The following OSBPL6 variants were observed in gnomAD, a reference collection of about 807,000 sequenced individuals.
OSBPL6 encodes the protein oxysterol-binding protein-related protein 6.
OSBPL6 carries 49 observed loss-of-function variants against 125.8 expected under a neutral mutation model. The observed-to-expected ratio is 0.39, with a 90% CI of 0.31 to 0.49. The LOEUF is 0.49. OSBPL6 is among the 20% of genes least tolerant of loss of function. The probability of loss-of-function intolerance (pLI) is 0.88; values close to 1 mark genes in which losing one functional copy is unlikely to be tolerated. For missense variants in OSBPL6, 986 were observed against 1,135.4 expected, an observed-to-expected ratio of 0.87 and a Z score of 1.89; for synonymous variants, 394 against 391.8, an observed-to-expected ratio of 1.01 and a Z score of -0.07.
rs36020212 is a variant in OSBPL6 at position 178,268,085 on chromosome 2, CT to C, written c.-350-16828del. Among the ~76,000 whole-genome samples, 1,100 of 142,214 alleles carry C rather than the reference CT, an allele frequency of 7.7e-3. 6 individuals carry two copies. Among genetic ancestry groups the C allele is most frequent in the East Asian group, 0.029 (141 of 4,876 alleles). The allele number at this position is 142,214 out of a possible 152,430, so 93.3% of individuals were successfully genotyped here. A position where few individuals can be genotyped will look rare whatever the true frequency, so the allele number is the denominator to read the frequency against. On this transcript the variant is annotated intron_variant, in intron 1 of 24. Transcript: ENST00000190611. ...GGTGCTTTTAGATTATTTAAATTTT[CT>C]TTTTTTTTTTTTTGAGATGGAGTTT... is the stretch of plus-strand genomic sequence containing the variant.
intron 1 of OSBPL6, among the ~76,000 whole-genome samples, chr2:178,234,691 T>C (rs573147542): frequency 2.6e-5 from 4 of 152,348 alleles, no homozygotes; most frequent in African/African-American, 9.6e-5. Context: ...GGTTTTTAAT[T>C]TTGGTAAGGT....
At chr2:178,338,061 C>G (rs1295970190) in intron 9 of OSBPL6, among the ~76,000 whole-genome samples, 1 of 151,056 alleles carries the variant, frequency 6.6e-6, no homozygotes, top group African/African-American at 2.4e-5. Context: ...TCTGCCTCAG[C>G]CTTCTGAGTA....
intron 3 of OSBPL6, among the ~76,000 whole-genome samples, chr2:178,307,068 T>C (rs1260019673): frequency 6.6e-6 from 1 of 152,200 alleles, no homozygotes; most frequent in Non-Finnish European, 1.5e-5. Context: ...GTAGGTGTTA[T>C]TACCTTTTTA....
At chr2:178,257,447 AT>A (rs879565498) in intron 1 of OSBPL6, among the ~76,000 whole-genome samples, 87 of 152,168 alleles carry the variant, frequency 5.7e-4, no homozygotes, top group African/African-American at 6.0e-4. Context: ...TTCTATTGCT[AT>A]TTTTTTAGGC....
chr2:178,366,203 T>C (rs1692810814), intron 13 of OSBPL6, among the ~76,000 whole-genome samples: 1 of 152,262 alleles, frequency 6.6e-6, no homozygotes, highest in Admixed American at 6.5e-5. Flanking sequence ...ATGTCTTGTT[T>C]AATGCAGTAC....
chr2:178,320,150 C>A, intron 3 of OSBPL6: 2 of 1,133,414 alleles, frequency 1.8e-6, no homozygotes, highest in Non-Finnish European at 2.4e-6. Context: ...GTGAGTTGCA[C>A]CAAACCATTC....
At chr2:178,341,822 G>T (rs1690228222) in intron 11 of OSBPL6, among the ~76,000 whole-genome samples, 1 of 152,062 alleles carries the variant, frequency 6.6e-6, no homozygotes, top group Non-Finnish European at 1.5e-5. Context: ...TTTTCTGCTT[G>T]CCCAAACCAA....
intron 20 of OSBPL6, among the ~76,000 whole-genome samples, chr2:178,387,998 C>T (rs528680998): frequency 2.7e-5 from 4 of 149,700 alleles, no homozygotes; most frequent in Admixed American, 2.6e-4. Flanking sequence ...AGCAAGACTC[C>T]ATCTCAAAAA....
chr2:178,277,316 T>C (rs2092489981), intron 1 of OSBPL6, among the ~76,000 whole-genome samples: 1 of 152,228 alleles, frequency 6.6e-6, no homozygotes, highest in African/African-American at 2.4e-5. Flanking sequence ...TTAAATAGCC[T>C]CTACTCAGAA....
chr2:178,211,129 T>C (rs1377031355), intron 1 of OSBPL6, among the ~76,000 whole-genome samples: 1 of 152,040 alleles, frequency 6.6e-6, no homozygotes, highest in Non-Finnish European at 1.5e-5. Flanking sequence ...AACTTAGCCA[T>C]GTGTGGTGGT....
intron 15 of OSBPL6, among the ~76,000 whole-genome samples, chr2:178,378,009 A>G (rs975619751): frequency 3.3e-5 from 5 of 151,856 alleles, no homozygotes; most frequent in African/African-American, 1.2e-4. Context: ...TTATATTTTT[A>G]GTAGAAATGA....
chr2:178,382,357 G>A, intron 15 of OSBPL6, 63 bp from the exon 16 acceptor site: 3 of 1,519,406 alleles, frequency 2.0e-6, no homozygotes, highest in Non-Finnish European at 2.6e-6. Context: ...TTAATCATTT[G>A]ATTATCTGAG....
chr2:178,333,744 C>A (rs1369772295), intron 8 of OSBPL6, among the ~76,000 whole-genome samples: 1 of 152,104 alleles, frequency 6.6e-6, no homozygotes, highest in Non-Finnish European at 1.5e-5. Flanking sequence ...GTGTCTTGAC[C>A]TATAATATAT....
chr2:178,245,184 C>G (rs1252248899), intron 1 of OSBPL6, among the ~76,000 whole-genome samples: 1 of 152,140 alleles, frequency 6.6e-6, no homozygotes, highest in African/African-American at 2.4e-5. Context: ...CCTGGATGTG[C>G]TGGTTGATTT....
chr2:178,336,221 G>C (rs1262603340), intron 8 of OSBPL6, 80 bp from the exon 9 acceptor site: 4 of 1,485,794 alleles, frequency 2.7e-6, no homozygotes, highest in Non-Finnish European at 3.6e-6. Context: ...TTGTTAATAC[G>C]GTTTTGAGGA....
In OSBPL6 at chr2:178,399,584, CA is replaced by C. The variant is rs1293703624; in HGVS notation, c.*4027del. The C allele has an allele frequency of 3.3e-5, 5 of 152,136 alleles. No individual in the cohort carries two copies. Among genetic ancestry groups the C allele is most frequent in the Non-Finnish European group, 7.4e-5 (5 of 68,014 alleles). The allele number at this position is 152,136 out of a possible 1,614,324, so 9.4% of individuals were successfully genotyped here. A position where few individuals can be genotyped will look rare whatever the true frequency, so the allele number is the denominator to read the frequency against. On this transcript the variant is annotated 3_prime_UTR_variant, in exon 25 of 25. Coordinates refer to ENST00000190611, the MANE Select transcript of OSBPL6 (RefSeq NM_032523.4). ...AATTGTTGTGATGGACCAACATGTC[CA>C]ACATCTTAAGCAAATGAAGCTTCAT...
At position 178,345,876 on chromosome 2, in the gene OSBPL6, A is replaced by G. The variant is rs537448617; in HGVS notation, c.988-3348A>G. Among the ~76,000 whole-genome samples the G allele has an allele frequency of 2.0e-5, 3 of 152,318 alleles. No homozygotes were observed. The South Asian group carries it at 6.2e-4, about 32-fold the overall frequency. On this transcript the variant is annotated intron_variant, in intron 11 of 24. Transcript: ENST00000190611. ...TGAATATAATAAAACTGAGATTAGC[A>G]CCTATTTGAATAGAATGGGTTTATA...
intron 1 of OSBPL6, among the ~76,000 whole-genome samples, chr2:178,278,903 G>A (rs1434832196): frequency 6.6e-6 from 1 of 152,196 alleles, no homozygotes; most frequent in Non-Finnish European, 1.5e-5. Context: ...ACTGTGTATT[G>A]TGCTACAGAT....
chr2:178,214,926 T>C (rs1435696634), intron 1 of OSBPL6, among the ~76,000 whole-genome samples: 1 of 152,088 alleles, frequency 6.6e-6, no homozygotes, highest in Non-Finnish European at 1.5e-5. Context: ...GCATCCACTC[T>C]GGGCAACAGA....
Sources: gnomAD v4.1 joint callset for allele counts (sites outside exome capture counted in the v4.1 genomes callset) on GRCh38, gnomAD v4.1.1 for gene constraint, MANE v1.5 for transcripts, NCBI Gene and HGNC (gene_info 2026-07-23, HGNC 2026-07-21) for gene names.